The following ROBO2 variants were observed in gnomAD, a reference collection of about 807,000 sequenced individuals.
The protein encoded by ROBO2 is roundabout homolog 2.
Under a neutral mutation model 160.8 loss-of-function variants are expected in ROBO2, and 53 were observed. The ratio of observed to expected loss-of-function variants is 0.33; its 90% CI spans 0.26 to 0.41. The LOEUF (loss-of-function observed/expected upper bound fraction) is 0.41, where lower values mean the gene tolerates loss of function less well. Ranked by LOEUF, ROBO2 falls within the 10% of genes least tolerant of loss-of-function variation. ROBO2 has a pLI of 1.00. For missense variants in ROBO2, 1,577 were observed against 1,722.4 expected (o/e 0.92, Z 1.49); for synonymous variants, 664 against 611.7 (o/e 1.09, Z -1.26).
chr3:76,724,651 T>G (rs1297327375), intron 2 of ROBO2, among the ~76,000 whole-genome samples: 1 of 152,172 alleles, frequency 6.6e-6, no homozygotes, highest in East Asian at 1.9e-4. Context: ...TACATCCTCT[T>G]GAATTTCCAG....
chr3:77,525,277 T>C (rs1358228168), intron 6 of ROBO2, among the ~76,000 whole-genome samples: 1 of 147,144 alleles, frequency 6.8e-6, no homozygotes, highest in Admixed American at 6.9e-5. Context: ...GTTGCTAATG[T>C]AACAAGGACA....
At chr3:77,194,058 GAT>G (rs1193816638) in intron 2 of ROBO2, among the ~76,000 whole-genome samples, 1 of 152,190 alleles carries the variant, frequency 6.6e-6, no homozygotes, top group Non-Finnish European at 1.5e-5. Context: ...TGTTGTGTGA[GAT>G]GACAGTTGAT....
intron 2 of ROBO2, among the ~76,000 whole-genome samples, chr3:76,136,833 T>G (rs1041566684): frequency 2.0e-5 from 3 of 152,002 alleles, no homozygotes; most frequent in African/African-American, 7.2e-5. Flanking sequence ...AAGCCACAAA[T>G]CATATTCTAG....
chr3:76,396,339 A>G (rs548341790), intron 2 of ROBO2, among the ~76,000 whole-genome samples: 1 of 152,294 alleles, frequency 6.6e-6, no homozygotes, highest in East Asian at 1.9e-4. Context: ...AATAAGAGCT[A>G]TCTATGACAA....
chr3:75,984,698 GA>G (rs1357438079), intron 2 of ROBO2, among the ~76,000 whole-genome samples: 1 of 151,350 alleles, frequency 6.6e-6, no homozygotes, highest in Non-Finnish European at 1.5e-5. Context: ...ATTCTTGACA[GA>G]AATTTATGAG....
chr3:76,365,529 AT>A (rs2075766556), intron 2 of ROBO2, among the ~76,000 whole-genome samples: 1 of 152,064 alleles, frequency 6.6e-6, no homozygotes, highest in Non-Finnish European at 1.5e-5. Flanking sequence ...ATGAATAGCA[AT>A]TTAGACCTTG....
intron 2 of ROBO2, among the ~76,000 whole-genome samples, chr3:76,289,774 T>G (rs1377735843): frequency 6.6e-6 from 1 of 152,132 alleles, no homozygotes; most frequent in East Asian, 1.9e-4. Context: ...TTGTTATTAC[T>G]GATTTTGTTG....
intron 2 of ROBO2, among the ~76,000 whole-genome samples, chr3:75,986,938 C>A (rs1559807425): frequency 6.6e-6 from 1 of 151,634 alleles, no homozygotes; most frequent in Non-Finnish European, 1.5e-5. Context: ...ATAAGTCTGT[C>A]TTTATGCCTG....
intron 2 of ROBO2, among the ~76,000 whole-genome samples, chr3:77,187,744 A>G (rs1399647242): frequency 6.6e-6 from 1 of 151,954 alleles, no homozygotes; most frequent in East Asian, 1.9e-4. Context: ...TTCAGTCCCC[A>G]AAAGTTCAGT....
chr3:76,587,263 T>G (rs542369421), intron 2 of ROBO2, among the ~76,000 whole-genome samples: 1 of 152,290 alleles, frequency 6.6e-6, no homozygotes, highest in East Asian at 1.9e-4. Context: ...ATTAGGGGCT[T>G]TTCCTTTTCC....
At chr3:76,828,361 A>C (rs2109269804) in intron 2 of ROBO2, among the ~76,000 whole-genome samples, 1 of 152,206 alleles carries the variant, frequency 6.6e-6, no homozygotes. Flanking sequence ...TTGATTTAAT[A>C]ATATTTAACT....
chr3:77,237,642 A>G lies in ROBO2; in HGVS notation c.388+139302A>G, dbSNP rs900270391. Among the ~76,000 whole-genome samples, 5 of 152,176 alleles carry G rather than the reference A, an allele frequency of 3.3e-5. No homozygotes were observed. In the East Asian group the frequency reaches 7.7e-4, roughly 23 times the overall value. ...ATATAGTGTATCTATCTATTCACCT[A>G]TTGACATGTCAGTTACTTCGTAGTT... is the stretch of plus-strand genomic sequence containing the variant. On this transcript the variant is annotated intron_variant, in intron 2 of 25. Transcript: ENST00000461745.
chr3:77,500,761 T>G (rs182111807), intron 5 of ROBO2, among the ~76,000 whole-genome samples: 24 of 152,284 alleles, frequency 1.6e-4, no homozygotes, highest in South Asian at 2.1e-4. Flanking sequence ...ATAGTTGCTG[T>G]TAACACAAAA....
intron 2 of ROBO2, among the ~76,000 whole-genome samples, chr3:77,319,792 C>T (rs2153430237): frequency 6.6e-6 from 1 of 152,244 alleles, no homozygotes; most frequent in Non-Finnish European, 1.5e-5. Flanking sequence ...TGTTGGGTGG[C>T]TTCCATTCAC....
intron 2 of ROBO2, among the ~76,000 whole-genome samples, chr3:76,835,310 T>C (rs1234573053): frequency 6.6e-6 from 1 of 150,386 alleles, no homozygotes; most frequent in Admixed American, 6.6e-5. Context: ...ACACATACAA[T>C]GTGTTATTTT....
In ROBO2 at chr3:76,196,973, T is replaced by C. The variant is rs187297293; in HGVS notation, c.109+259371T>C. 3.3e-5 allele frequency among the ~76,000 whole-genome samples: 5 copies of C among 152,352 alleles called. No individual in the cohort carries two copies. In the East Asian group the frequency reaches 9.6e-4, roughly 29 times the overall value. ...TAAGTGATGGCTTTCCGTTTAATGA[T>C]TACATACTTTACACATGTTGATGCT... On this transcript the variant is annotated intron_variant, in intron 2 of 26. Transcript: ENST00000487694.
chr3:77,360,646 T>C (rs2069830022), intron 2 of ROBO2, among the ~76,000 whole-genome samples: 1 of 152,020 alleles, frequency 6.6e-6, no homozygotes, highest in African/African-American at 2.4e-5. Flanking sequence ...AACAAAACTG[T>C]AACATGTGGT....
At chr3:76,387,310 A>G (rs2076938600) in intron 2 of ROBO2, among the ~76,000 whole-genome samples, 1 of 152,182 alleles carries the variant, frequency 6.6e-6, no homozygotes, top group South Asian at 2.1e-4. Context: ...ACAGAAGGTC[A>G]CAGTAGCAGA....
intron 2 of ROBO2, among the ~76,000 whole-genome samples, chr3:76,776,806 C>G (rs979484391): frequency 3.3e-5 from 5 of 150,930 alleles, no homozygotes; most frequent in Admixed American, 1.3e-4. Context: ...TCCAATCACC[C>G]TAGTTAAACT....
Sources: gnomAD v4.1 joint callset for allele counts (sites outside exome capture counted in the v4.1 genomes callset) on GRCh38, gnomAD v4.1.1 for gene constraint, MANE v1.5 for transcripts, NCBI Gene and HGNC (gene_info 2026-07-23, HGNC 2026-07-21) for gene names.